ZNF330: variants seen among roughly 807,000 people sequenced by gnomAD.
ZNF330 encodes the protein nucleolar atypical zinc finger, also known as zinc finger protein 330.
A neutral mutation model predicts 45.5 loss-of-function variants in ZNF330; 31 were observed. That is an observed-to-expected ratio of 0.68 (90% CI 0.51 to 0.92). ZNF330 has a LOEUF of 0.92. ZNF330 is among the 40% of genes least tolerant of loss of function. The pLI is 0.00. For synonymous variants in ZNF330, 138 were observed against 123.2 expected, an observed-to-expected ratio of 1.12 and a Z score of -0.79; for missense variants, 356 against 387.4, an observed-to-expected ratio of 0.92 and a Z score of 0.68.
chr4:141,225,785 A>G (rs1051982340), intron 4 of ZNF330, among the ~76,000 whole-genome samples: 1 of 152,084 alleles, frequency 6.6e-6, no homozygotes, highest in Non-Finnish European at 1.5e-5. Context: ...AGAGTGAGGA[A>G]ACAGAGTTTG....
At position 141,233,772 on chromosome 4, in the gene ZNF330, G is replaced by A. The variant is rs1330232953; in HGVS notation, c.746G>A (p.Gly249Glu). ...TGGEEGDGAS[G>E]YDAYWKNLSS... ...GGTGAAGAGGGAGATGGAGCTTCTG[G>A]GTATGATGCTTATTGGAAGAACCTT... Residue 249 changes from glycine to glutamate, a missense_variant, in exon 10 of 10, where the codon GGG becomes GAG. Physicochemically the swap from Gly to Glu is moderately conservative, Grantham distance 98. Transcript: ENST00000262990. 3 of 1,613,554 alleles carry A rather than the reference G, an allele frequency of 1.9e-6. No individual in the cohort carries two copies. The Admixed American group carries it at 5.0e-5, about 27-fold the overall frequency.
At chr4:141,231,229 T>G (rs565848115) in intron 7 of ZNF330, among the ~76,000 whole-genome samples, 1 of 152,264 alleles carries the variant, frequency 6.6e-6, no homozygotes, top group South Asian at 2.1e-4. Flanking sequence ...TTTGAGCCTT[T>G]CGTCGCCTTT....
intron 7 of ZNF330, among the ~76,000 whole-genome samples, chr4:141,231,104 AACAT>A (rs1216268768): frequency 6.6e-6 from 1 of 152,138 alleles, no homozygotes; most frequent in Non-Finnish European, 1.5e-5. Context: ...ATATACATAC[AACAT>A]ACATACTACA....
chr4:141,230,383 T>G (rs1728920730), intron 7 of ZNF330, 113 bp downstream of exon 7: 1 of 577,296 alleles, frequency 1.7e-6, no homozygotes, highest in Non-Finnish European at 3.0e-6. Flanking sequence ...TGAACTGTAA[T>G]TTAACTCAGT....
intron 2 of ZNF330, chr4:141,222,764 G>A (rs1362624139): frequency 2.2e-5 from 5 of 223,320 alleles, no homozygotes; most frequent in Non-Finnish European, 3.6e-5. Flanking sequence ...TCATCTTCCA[G>A]TTTCTTTAAT....
intron 2 of ZNF330, chr4:141,223,922 T>G (rs930494511): frequency 2.7e-6 from 1 of 377,120 alleles, no homozygotes; most frequent in Non-Finnish European, 5.3e-6. Context: ...ATAAGACATA[T>G]TTGGAGAATG....
At chr4:141,232,882 A>T (rs893569299) in intron 9 of ZNF330, among the ~76,000 whole-genome samples, 2 of 150,620 alleles carry the variant, frequency 1.3e-5, no homozygotes, top group Non-Finnish European at 2.9e-5. Context: ...ATGACAGCAA[A>T]TACTGAAATT....
At chr4:141,227,915 C>T (rs1728850859) in intron 5 of ZNF330, among the ~76,000 whole-genome samples, 1 of 152,000 alleles carries the variant, frequency 6.6e-6, no homozygotes, top group Non-Finnish European at 1.5e-5. Context: ...ATGTATTTTG[C>T]TCTTTTTCCT....
Position 141,222,423 on chromosome 4 carries a change from C to T in ZNF330, c.52C>T (p.Arg18Cys). Residue 18 changes from arginine to cysteine, a missense_variant, in exon 2 of 10, where the codon CGT becomes TGT. By Grantham distance (180) the Arg-to-Cys change is radical. Transcript: ENST00000262990. The part of the protein sequence containing the change: ...ARKKAENRRE[R>C]EKQLRASRST... Reference sequence around the variant, plus strand: ...GAAGAAGGCTGAGAACCGCCGAGAACGTGAAAAACAACTAAGAGCATCAAG... The same window carrying T: ...GAAGAAGGCTGAGAACCGCCGAGAATGTGAAAAACAACTAAGAGCATCAAG... 2.5e-6 allele frequency: 4 copies of T among 1,613,518 alleles called. No homozygotes were observed. The highest frequency in any genetic ancestry group is 3.4e-6 in the Non-Finnish European group (4 of 1,179,756).
rs1303009321 is a variant in ZNF330, at chr4:141,234,120, C to T, written c.*131C>T. ...AGAAGACTAGTTACACTTAATGGGCCAAGCAATAGGGTGTAGCGTTTTTAT... is the reference window on the plus strand; with the variant it reads ...AGAAGACTAGTTACACTTAATGGGCTAAGCAATAGGGTGTAGCGTTTTTAT... On this transcript the variant is annotated 3_prime_UTR_variant, in exon 10 of 10. Coordinates refer to ENST00000262990, the MANE Select transcript of ZNF330 (RefSeq NM_014487.6). 4.2e-6 allele frequency: 6 copies of T among 1,439,622 alleles called. No individual in the cohort carries two copies. Among genetic ancestry groups the T allele is most frequent in the Non-Finnish European group, 4.5e-6 (5 of 1,099,770 alleles). The allele number at this position is 1,439,622 out of a possible 1,614,324, so 89.2% of individuals were successfully genotyped here.
chr4:141,226,254 G>A (rs1356367555), intron 4 of ZNF330, among the ~76,000 whole-genome samples: 1 of 152,132 alleles, frequency 6.6e-6, no homozygotes, highest in African/African-American at 2.4e-5. Context: ...GGGCTTCGTT[G>A]TAAATTTTTA....
chr4:141,230,410 TAGAAA>T, intron 7 of ZNF330, 140 bp downstream of exon 7: 1 of 567,816 alleles, frequency 1.8e-6, no homozygotes, highest in African/African-American at 1.9e-5. Context: ...TTTCTGTTTC[TAGAAA>T]ACAGAACAGT....
rs115370682 is a variant in ZNF330 at position 141,226,181 on chromosome 4, G to A, written c.212-586G>A. The stretch of plus-strand genomic sequence containing the variant: ...TGTGGTGATTTGTAGCTGTATCACC[G>A]TATTGTTTATTGTGCTTATTTGGGC... On this transcript the variant is annotated intron_variant, in intron 4 of 9. Coordinates refer to ENST00000262990, the MANE Select transcript of ZNF330 (RefSeq NM_014487.6). 3.4e-3 allele frequency among the ~76,000 whole-genome samples: 510 copies of A among 152,072 alleles called. 2 individuals carry two copies. The highest frequency in any genetic ancestry group is 0.014 in the South Asian group (69 of 4,820).
chr4:141,233,614 G>T (rs1408439708), intron 9 of ZNF330, 101 bp from the exon 10 acceptor site: 2 of 1,448,622 alleles, frequency 1.4e-6, no homozygotes, highest in Non-Finnish European at 1.8e-6. Flanking sequence ...TTTCATTTGG[G>T]ATTGAAGCAG....
intron 1 of ZNF330, among the ~76,000 whole-genome samples, chr4:141,221,993 CTTA>C (rs2111244314): frequency 6.6e-6 from 1 of 152,168 alleles, no homozygotes; most frequent in East Asian, 1.9e-4. Flanking sequence ...AAATAATGCT[CTTA>C]TTAATGATTT....
In ZNF330 at chr4:141,229,661, G is replaced by C. The variant is rs761269905; in HGVS notation, c.382G>C (p.Glu128Gln). The C allele has an allele frequency of 2.5e-6, 4 of 1,613,070 alleles. No individual in the cohort carries two copies. The African/African-American group carries it at 4.0e-5, about 16-fold the overall frequency. ...HACACPLTDA[E>Q]CVECERGVWD... ...TTGTGCCTGCCCTCTTACCGATGCT[G>C]AGTGTGTTGAATGTGAACGAGGCGT... Residue 128 changes from glutamate to glutamine, a missense_variant, in exon 6 of 10, where the codon GAG becomes CAG. By Grantham distance (29) the Glu-to-Gln change is conservative (BLOSUM62 2). Coordinates refer to ENST00000262990, the MANE Select transcript of ZNF330 (RefSeq NM_014487.6).
At position 141,227,888 on chromosome 4, in the gene ZNF330, A is replaced by AC. The variant is rs374347443; in HGVS notation, c.291+1044dup. ...TAAATTCAGCTTTTTGAATAATAAA[A>AC]CCAACTGGATTATGTGATGTATTTT... On this transcript the variant is annotated intron_variant, in intron 5 of 9. Coordinates refer to ENST00000262990, the MANE Select transcript of ZNF330 (RefSeq NM_014487.6). Among the ~76,000 whole-genome samples, 323 of 152,248 alleles carry AC rather than the reference A, an allele frequency of 2.1e-3. 1 individual carries two copies. Among genetic ancestry groups the AC allele is most frequent in the African/African-American group, 7.5e-3 (312 of 41,554 alleles).
At chr4:141,224,433 A>C in intron 2 of ZNF330, 54 bp from the exon 3 acceptor site, 6 of 1,537,968 alleles carry the variant, frequency 3.9e-6, no homozygotes, top group Non-Finnish European at 5.4e-6. Context: ...ATACAAGTAA[A>C]TTTGCAGTTT....
In ZNF330 at chr4:141,232,638, G is replaced by A; in HGVS notation, c.684G>A (p.Met228Ile). 6.5e-7 allele frequency: 1 copy of A among 1,535,222 alleles called. No individual in the cohort carries two copies. Among genetic ancestry groups the A allele is most frequent in the Non-Finnish European group, 8.8e-7 (1 of 1,135,944 alleles). ...CTCAGGAGACTAAGGACCTTAGCATGTCAAGTAAGGCCCTTAAGATACTAA... is the reference window on the plus strand; with the variant it reads ...CTCAGGAGACTAAGGACCTTAGCATATCAAGTAAGGCCCTTAAGATACTAA... ...HETQETKDLS[M>I]STRSLKFGRQ... Residue 228 changes from methionine (M) to isoleucine (I), a missense_variant, in exon 9 of 10, where the codon ATG (methionine) becomes ATA (isoleucine). By Grantham distance (10) the Met-to-Ile change is conservative. Coordinates refer to ENST00000262990, the MANE Select transcript of ZNF330 (RefSeq NM_014487.6).
Sources: gnomAD v4.1 joint callset for allele counts (sites outside exome capture counted in the v4.1 genomes callset) on GRCh38, gnomAD v4.1.1 for gene constraint, MANE v1.5 for transcripts, NCBI Gene and HGNC (gene_info 2026-07-23, HGNC 2026-07-21) for gene names.